NFATC3: variants seen among roughly 807,000 people sequenced by gnomAD.
The protein encoded by NFATC3 is nuclear factor of activated T cells 3.
NFATC3 carries 46 observed loss-of-function variants against 98.6 expected under a neutral mutation model. That is an observed-to-expected ratio of 0.47 (90% CI 0.37 to 0.60). NFATC3 has a LOEUF of 0.60. Among genes scored for constraint, NFATC3 ranks in the 20% least tolerant of loss-of-function variants. The pLI, the probability that NFATC3 is intolerant of heterozygous loss-of-function variation, is 0.00. For missense variants in NFATC3, 1,256 were observed against 1,295.5 expected, an observed-to-expected ratio of 0.97 and a Z score of 0.47; for synonymous variants, 512 against 472.2, an observed-to-expected ratio of 1.08 and a Z score of -1.09.
rs1412224141 is a variant in NFATC3 at position 68,191,540 on chromosome 16, A to G, written c.2871A>G (p.Ser957=). Residue 957 remains serine (S), a synonymous_variant, in exon 9 of 10, where the codon TCA becomes TCG. Transcript: ENST00000346183. ...LQPMPYQSPS[S]GTASSPSPAT... Reference sequence around the variant, plus strand: ...CTATGCCTTACCAATCTCCTAGCTCAGGAACTGCCTCATCACCGTCTCCAG... The same window carrying G: ...CTATGCCTTACCAATCTCCTAGCTCGGGAACTGCCTCATCACCGTCTCCAG... The G allele has an allele frequency of 4.3e-6, 7 of 1,614,144 alleles. No individual in the cohort carries two copies. Among genetic ancestry groups the G allele is most frequent in the Non-Finnish European group, 5.9e-6 (7 of 1,180,032 alleles).
chr16:68,123,747 C>A (rs1051623990), intron 2 of NFATC3, among the ~76,000 whole-genome samples: 1 of 151,954 alleles, frequency 6.6e-6, no homozygotes. Flanking sequence ...TGCCTGTAAT[C>A]CCAACACTTT....
chr16:68,102,155 A>G lies in NFATC3; in HGVS notation c.103+16371A>G, dbSNP rs138245627. ...GGGAGGCTGAGGCAGGTGAATCACA[A>G]GCTTAGGAGTTAGAGACTAGCCTGG... is the stretch of plus-strand genomic sequence containing the variant. On this transcript the variant is annotated intron_variant, in intron 1 of 9. Coordinates refer to ENST00000346183, the MANE Select transcript of NFATC3 (RefSeq NM_173165.3). Among the ~76,000 whole-genome samples, 537 of 152,064 alleles carry G rather than the reference A, an allele frequency of 3.5e-3. 6 individuals carry two copies. The highest frequency in any genetic ancestry group is 0.013 in the African/African-American group (523 of 41,496).
chr16:68,123,934 A>G (rs1176504658), intron 2 of NFATC3, among the ~76,000 whole-genome samples: 1 of 151,768 alleles, frequency 6.6e-6, no homozygotes, highest in Non-Finnish European at 1.5e-5. Context: ...CAGTGAGCTG[A>G]GATTATGCCA....
At chr16:68,108,137 A>T (rs112286427) in intron 1 of NFATC3, among the ~76,000 whole-genome samples, 11 of 152,258 alleles carry the variant, frequency 7.2e-5, no homozygotes, top group African/African-American at 2.2e-4. Flanking sequence ...TTCATCAAGA[A>T]ATCTTTGCCC....
chr16:68,117,943 T>G (rs1468550034), intron 1 of NFATC3, among the ~76,000 whole-genome samples: 1 of 152,218 alleles, frequency 6.6e-6, no homozygotes, highest in Non-Finnish European at 1.5e-5. Flanking sequence ...TTCCCCTTTT[T>G]AAAACTCTTA....
At chr16:68,136,550 T>G (rs2037422273) in intron 3 of NFATC3, among the ~76,000 whole-genome samples, 1 of 152,212 alleles carries the variant, frequency 6.6e-6, no homozygotes, top group South Asian at 2.1e-4. Flanking sequence ...ATTATAGGTG[T>G]GAGCCACCAC....
chr16:68,164,229 G>A (rs951759401), intron 4 of NFATC3, among the ~76,000 whole-genome samples: 23 of 152,210 alleles, frequency 1.5e-4, no homozygotes, highest in African/African-American at 5.3e-4. Flanking sequence ...GCGAAACCCC[G>A]TCTCCACCAA....
chr16:68,215,853 G>A (rs923737997), intron 9 of NFATC3, among the ~76,000 whole-genome samples: 1 of 148,946 alleles, frequency 6.7e-6, no homozygotes. Context: ...TTAGCCTCCC[G>A]AGTAGCTGGG....
intron 4 of NFATC3, among the ~76,000 whole-genome samples, chr16:68,165,386 C>CTT (rs2039141045): frequency 8.4e-6 from 1 of 118,442 alleles, no homozygotes; most frequent in Non-Finnish European, 1.8e-5. Context: ...TTTTTTTTTT[C>CTT]TTTTTCTTTT....
At chr16:68,098,320 A>G (rs1476669729) in intron 1 of NFATC3, among the ~76,000 whole-genome samples, 20 of 62,866 alleles carry the variant, frequency 3.2e-4, no homozygotes, top group Non-Finnish European at 5.2e-4. Flanking sequence ...TTTTTTTTTT[A>G]GATGGAGTCT....
At chr16:68,200,965 C>G (rs2040887638) in intron 9 of NFATC3, 1 of 152,124 alleles carries the variant, frequency 6.6e-6, no homozygotes, top group African/African-American at 2.4e-5. Context: ...TGGAGTTTCC[C>G]TTGTCACCCA....
At chr16:68,194,982 G>T (rs1049868815) in intron 9 of NFATC3, among the ~76,000 whole-genome samples, 2 of 152,064 alleles carry the variant, frequency 1.3e-5, no homozygotes, top group African/African-American at 4.8e-5. Flanking sequence ...GCCAGGTGCC[G>T]TGGCTCATGC....
rs769956248 is a variant in NFATC3 at position 68,226,626 on chromosome 16, G to A, written c.*155G>A. On this transcript the variant is annotated 3_prime_UTR_variant, in exon 10 of 10. Transcript: ENST00000346183. ...AGCATTCCTCCACCTCAGGCCTTGG[G>A]TAGATTTGGCAAAAGAACAGGAGCA... The A allele has an allele frequency of 4.7e-5, 40 of 842,418 alleles. No homozygotes were observed. The highest frequency in any genetic ancestry group is 6.5e-5 in the Non-Finnish European group (38 of 588,900). 52.2% of individuals were successfully genotyped at this position (842,418 alleles called of 1,614,324 possible).
At chr16:68,133,868 T>C (rs967046109) in intron 3 of NFATC3, among the ~76,000 whole-genome samples, 1 of 152,080 alleles carries the variant, frequency 6.6e-6, no homozygotes, top group Non-Finnish European at 1.5e-5. Flanking sequence ...ATAAAGCTGC[T>C]TTGTGCCCTT....
intron 9 of NFATC3, among the ~76,000 whole-genome samples, chr16:68,195,439 A>G (rs1288264558): frequency 6.6e-6 from 1 of 152,040 alleles, no homozygotes; most frequent in East Asian, 1.9e-4. Flanking sequence ...GGAATGTGAG[A>G]TGGAAGGATC....
intron 3 of NFATC3, among the ~76,000 whole-genome samples, chr16:68,128,809 G>A (rs1047684603): frequency 9.3e-5 from 14 of 150,392 alleles, no homozygotes; most frequent in African/African-American, 3.4e-4. Context: ...TGGGCAACAT[G>A]TCTCTTTAAA....
chr16:68,196,862 C>G (rs938831738), intron 9 of NFATC3, among the ~76,000 whole-genome samples: 8 of 151,970 alleles, frequency 5.3e-5, no homozygotes, highest in African/African-American at 1.9e-4. Flanking sequence ...GAAACCCCGT[C>G]TCTACCAAAA....
chr16:68,121,252 T>TA (rs2036564499), intron 1 of NFATC3, among the ~76,000 whole-genome samples: 1 of 147,624 alleles, frequency 6.8e-6, no homozygotes, highest in Non-Finnish European at 1.5e-5. Flanking sequence ...CTTTTTTTTT[T>TA]TTTTTTTTTT....
chr16:68,191,232 C>T lies in NFATC3; in HGVS notation c.2563C>T (p.His855Tyr). 1.2e-6 allele frequency: 2 copies of T among 1,614,182 alleles called. No homozygotes were observed. Among genetic ancestry groups the T allele is most frequent in the Non-Finnish European group, 1.7e-6 (2 of 1,180,042 alleles). Residue 855 changes from histidine (H) to tyrosine (Y), a missense_variant, in exon 9 of 10, where the codon CAT (histidine) becomes TAT (tyrosine). His to Tyr is a moderately conservative substitution (Grantham distance 83, BLOSUM62 2). Around this residue, in one of 3 missense-constraint regions of NFATC3, gnomAD observed 636 missense variants for 617.3 expected, o/e 1.03. Coordinates refer to ENST00000346183, the MANE Select transcript of NFATC3 (RefSeq NM_173165.3). The part of the protein sequence containing the change: ...GCQPLSSIPF[H>Y]SSNSGSTGHL... ...TCAACCACTGTCATCCATACCATTTCATTCTTCAAATTCAGGCTCAACAGG... is the reference window on the plus strand; with the variant it reads ...TCAACCACTGTCATCCATACCATTTTATTCTTCAAATTCAGGCTCAACAGG...
Sources: allele counts gnomAD v4.1 joint callset (sites outside exome capture counted in the v4.1 genomes callset), GRCh38; gene constraint gnomAD v4.1.1; regional missense constraint gnomAD v4.1.1; transcripts MANE v1.5; gene names NCBI Gene and HGNC (gene_info 2026-07-23, HGNC 2026-07-21).